The following DTHD1 variants were observed in gnomAD, a reference collection of about 807,000 sequenced individuals.
DTHD1 encodes the protein death domain-containing protein 1.
DTHD1 carries 59 observed loss-of-function variants against 74.8 expected under a neutral mutation model. The observed-to-expected ratio is 0.79, with a 90% confidence interval of 0.64 to 0.98. The LOEUF (loss-of-function observed/expected upper bound fraction) is 0.98. Among genes scored for constraint, DTHD1 ranks in the 50% least tolerant of loss-of-function variants. The pLI, the probability that DTHD1 is intolerant of heterozygous loss-of-function variation, is 0.00. For missense variants in DTHD1, 1,051 were observed against 1,065.4 expected (o/e 0.99, Z 0.19); for synonymous variants, 365 against 371.1 (o/e 0.98, Z 0.19).
At chr4:36,341,515 A>C (rs1266636704) in intron 9 of DTHD1, among the ~76,000 whole-genome samples, 1 of 152,210 alleles carries the variant, frequency 6.6e-6, no homozygotes, top group Non-Finnish European at 1.5e-5. Flanking sequence ...ATAGGAGAAA[A>C]GATTCATGTC....
intron 7 of DTHD1, among the ~76,000 whole-genome samples, chr4:36,310,767 GT>G (rs1757352833): frequency 6.6e-6 from 1 of 152,106 alleles, no homozygotes; most frequent in Non-Finnish European, 1.5e-5. Flanking sequence ...CCAATTTTAA[GT>G]GTCTATTCTA....
intron 5 of DTHD1, among the ~76,000 whole-genome samples, chr4:36,300,429 A>C (rs1756692772): frequency 6.6e-6 from 1 of 152,176 alleles, no homozygotes. Flanking sequence ...TCTACATTAC[A>C]GGAAAGGTGT....
intron 8 of DTHD1, among the ~76,000 whole-genome samples, chr4:36,318,880 G>C (rs1333370310): frequency 6.6e-6 from 1 of 152,124 alleles, no homozygotes; most frequent in Non-Finnish European, 1.5e-5. Flanking sequence ...TCCCGAAGTG[G>C]TGGGATTACA....
At chr4:36,311,892 T>G (rs1757432516) in intron 7 of DTHD1, 1 of 152,236 alleles carries the variant, frequency 6.6e-6, no homozygotes, top group African/African-American at 2.4e-5. Flanking sequence ...TATTTAAAAC[T>G]TTAATTAATA....
intron 8 of DTHD1, among the ~76,000 whole-genome samples, chr4:36,331,267 A>G (rs867757474): frequency 2.0e-5 from 3 of 152,198 alleles, no homozygotes; most frequent in African/African-American, 7.2e-5. Flanking sequence ...GCTGAATTTT[A>G]TAATGTATGA....
At chr4:36,336,153 A>G (rs1758999335) in intron 8 of DTHD1, among the ~76,000 whole-genome samples, 1 of 152,236 alleles carries the variant, frequency 6.6e-6, no homozygotes, top group Non-Finnish European at 1.5e-5. Flanking sequence ...GCAGCAAAGA[A>G]ACAGTTTATA....
rs2109493689 is a variant in DTHD1, at chr4:36,306,300, A to C, written c.1753A>C (p.Lys585Gln). The C allele has an allele frequency of 6.4e-7, 1 of 1,551,712 alleles. No homozygotes were observed. The highest frequency in any genetic ancestry group is 8.7e-7 in the Non-Finnish European group (1 of 1,146,962). The change falls in exon 6 of 10, where the codon AAA (lysine) becomes CAA (glutamine). Residue 585 changes from lysine (K) to glutamine (Q), a missense_variant. Physicochemically the swap from Lys to Gln is moderately conservative, Grantham distance 53. Coordinates refer to ENST00000639862, the MANE Select transcript of DTHD1 (RefSeq NM_001170700.3). ...SGWCGLDDVV[K>Q]TIQSGLVSVE... ...TTGGTGTGGGCTTGATGATGTTGTG[A>C]AAACCATACAGAGCGGCTTGGTATC...
intron 3 of DTHD1, among the ~76,000 whole-genome samples, chr4:36,292,388 T>A (rs532821974): frequency 6.6e-6 from 1 of 152,320 alleles, no homozygotes; most frequent in Non-Finnish European, 1.5e-5. Context: ...CAGGCGTGAA[T>A]TTTTCTCTTT....
rs529534103 is a variant in DTHD1 at position 36,308,720 on chromosome 4, T to G, written c.2095+227T>G. Reference sequence around the variant, plus strand: ...TTATGGGAAGATTCTAAGTGACACTTTTTAGAAATAGCCTTCTTCACAGTT... The same window carrying G: ...TTATGGGAAGATTCTAAGTGACACTGTTTAGAAATAGCCTTCTTCACAGTT... On this transcript the variant is annotated intron_variant, in intron 7 of 9. Coordinates refer to ENST00000639862, the MANE Select transcript of DTHD1 (RefSeq NM_001170700.3). 7.2e-5 allele frequency among the ~76,000 whole-genome samples: 11 copies of G among 152,298 alleles called. 1 individual carries two copies. In the East Asian group the frequency reaches 1.7e-3, roughly 24 times the overall value.
intron 2 of DTHD1, among the ~76,000 whole-genome samples, chr4:36,290,126 C>T (rs1755972412): frequency 6.6e-6 from 1 of 152,034 alleles, no homozygotes; most frequent in South Asian, 2.1e-4. Context: ...GCTCTAATTA[C>T]TTAACATGTA....
At chr4:36,338,250 G>A (rs56342905) in intron 8 of DTHD1, among the ~76,000 whole-genome samples, 1 of 151,924 alleles carries the variant, frequency 6.6e-6, no homozygotes, top group Non-Finnish European at 1.5e-5. Flanking sequence ...ATTTCTCTTA[G>A]CATCATGCTC....
At chr4:36,289,286 C>T (rs1244364698) in intron 2 of DTHD1, among the ~76,000 whole-genome samples, 2 of 152,144 alleles carry the variant, frequency 1.3e-5, no homozygotes, top group Non-Finnish European at 2.9e-5. Flanking sequence ...ATTGAGCATA[C>T]ATCTTAGGCC....
chr4:36,336,509 A>T (rs61796640), intron 8 of DTHD1, among the ~76,000 whole-genome samples: 34,829 of 152,132 alleles, frequency 0.23, 4,345 homozygotes, highest in Non-Finnish European at 0.25. Flanking sequence ...CGCAGGAGTC[A>T]TGCAGGAGAG....
In DTHD1 at chr4:36,343,932, A is replaced by G. The variant is rs936105359; in HGVS notation, c.*108A>G. On this transcript the variant is annotated 3_prime_UTR_variant, in exon 10 of 10. Transcript: ENST00000639862. ...GAATGATATTATTTGAAGTCAGTCT[A>G]TTTAATGATGTGCTATTTAATGATG... 1.3e-5 allele frequency: 14 copies of G among 1,078,002 alleles called. No homozygotes were observed. Among genetic ancestry groups the G allele is most frequent in the South Asian group, 1.7e-5 (1 of 59,462 alleles). The allele number at this position is 1,078,002 out of a possible 1,614,324, so 66.8% of individuals were successfully genotyped here. A position where few individuals can be genotyped will look rare whatever the true frequency, so the allele number is the denominator to read the frequency against.
intron 7 of DTHD1, among the ~76,000 whole-genome samples, chr4:36,315,206 G>T (rs1757643517): frequency 6.6e-6 from 1 of 152,148 alleles, no homozygotes; most frequent in Admixed American, 6.5e-5. Flanking sequence ...GAAATATCCT[G>T]ATTGTCATGA....
chr4:36,308,090 T>G (rs1210451826), intron 6 of DTHD1, 114 bp from the exon 7 acceptor site: 3 of 1,052,398 alleles, frequency 2.9e-6, no homozygotes, highest in Non-Finnish European at 4.0e-6. Context: ...TTGAGAATAC[T>G]TGATTTTAAA....
In DTHD1 at chr4:36,284,677, G is replaced by C. The variant is rs1005385222; in HGVS notation, c.887+86G>C. On this transcript the variant is annotated intron_variant, in intron 2 of 9. Transcript: ENST00000639862. ...TTAGTACATGTCTTAGTTCATTCAG[G>C]CTGCTACAACAAAACATCATAAAGT... 8.6e-6 allele frequency: 9 copies of C among 1,040,794 alleles called. No homozygotes were observed. In the African/African-American group the frequency reaches 1.5e-4, roughly 17 times the overall value. The allele number at this position is 1,040,794 out of a possible 1,614,324, so 64.5% of individuals were successfully genotyped here.
intron 7 of DTHD1, among the ~76,000 whole-genome samples, chr4:36,310,333 A>C (rs747255917): frequency 3.3e-5 from 5 of 152,236 alleles, no homozygotes; most frequent in African/African-American, 4.8e-5. Flanking sequence ...AAGAAAAAGA[A>C]CAAGAAGAGA....
intron 9 of DTHD1, 68 bp downstream of exon 9, chr4:36,339,237 A>G: frequency 9.2e-7 from 1 of 1,083,822 alleles, no homozygotes; most frequent in Non-Finnish European, 1.3e-6. Context: ...ATATATGTGA[A>G]TCATTTCATA....
Sources: allele counts gnomAD v4.1 joint callset (sites outside exome capture counted in the v4.1 genomes callset), GRCh38; gene constraint gnomAD v4.1.1; transcripts MANE v1.5; gene names NCBI Gene and HGNC (gene_info 2026-07-23, HGNC 2026-07-21).